RRAS2: variants seen among roughly 807,000 people sequenced by gnomAD.
RRAS2 encodes the protein ras-related protein R-Ras2.
In RRAS2, 7 loss-of-function variants were observed where a neutral mutation model predicts 27.6. That is an observed-to-expected ratio of 0.25 (90% CI 0.14 to 0.48). The LOEUF (loss-of-function observed/expected upper bound fraction) is 0.48, where lower values mean the gene tolerates loss of function less well. Among genes scored for constraint, RRAS2 ranks in the 20% least tolerant of loss-of-function variants. The pLI is 0.99. For missense variants in RRAS2, 178 were observed against 256.2 expected (o/e 0.69, Z 2.08); for synonymous variants, 86 against 90.9 (o/e 0.95, Z 0.31).
At chr11:14,349,014 G>A (rs1848895061) in intron 1 of RRAS2, among the ~76,000 whole-genome samples, 1 of 152,140 alleles carries the variant, frequency 6.6e-6, no homozygotes, top group Non-Finnish European at 1.5e-5. Flanking sequence ...TGCCCAGGCT[G>A]GAGTGCAGTG....
intron 1 of RRAS2, among the ~76,000 whole-genome samples, chr11:14,340,241 C>T (rs1848675801): frequency 6.6e-6 from 1 of 151,646 alleles, no homozygotes; most frequent in Non-Finnish European, 1.5e-5. Context: ...GGATTACAGG[C>T]GCACCCCACC....
At chr11:14,351,322 A>G (rs979121847) in intron 1 of RRAS2, among the ~76,000 whole-genome samples, 33 of 152,222 alleles carry the variant, frequency 2.2e-4, no homozygotes, top group Non-Finnish European at 8.8e-5. Context: ...TTTTGCTATA[A>G]AAGGCGTAAC....
At chr11:14,290,801 A>G in intron 4 of RRAS2, among the ~76,000 whole-genome samples, 1 of 152,212 alleles carries the variant, frequency 6.6e-6, no homozygotes, top group Non-Finnish European at 1.5e-5. Context: ...AAAGTAGAGA[A>G]AGTAAGTTTC....
At chr11:14,300,779 AAAG>A (rs1368636969) in intron 1 of RRAS2, among the ~76,000 whole-genome samples, 4 of 152,266 alleles carry the variant, frequency 2.6e-5, no homozygotes, top group East Asian at 1.9e-4. Flanking sequence ...TTAAGGAGGA[AAAG>A]AAGAAGGAAG....
At position 14,352,211 on chromosome 11, in the gene RRAS2, G is replaced by A. The variant is rs184760581; in HGVS notation, c.108+6552C>T. ...TATAAGGTGACAGTAAGTTAAAGAC[G>A]GCAATATTAAACTGTTAGTATATAC... On this transcript the variant is annotated intron_variant, in intron 1 of 5. Coordinates refer to ENST00000256196, the MANE Select transcript of RRAS2 (RefSeq NM_012250.6). Among the ~76,000 whole-genome samples, 309 of 152,238 alleles carry A rather than the reference G, an allele frequency of 2.0e-3. 2 individuals are homozygous for A. The highest frequency in any genetic ancestry group is 3.5e-3 in the Non-Finnish European group (239 of 68,034).
chr11:14,318,319 A>C (rs573006926), intron 1 of RRAS2, among the ~76,000 whole-genome samples: 1 of 152,016 alleles, frequency 6.6e-6, no homozygotes, highest in South Asian at 2.1e-4. Flanking sequence ...GCCAACATGG[A>C]AAAGCCCCAT....
chr11:14,357,977 C>A (rs1849117791), intron 1 of RRAS2, among the ~76,000 whole-genome samples: 2 of 152,140 alleles, frequency 1.3e-5, no homozygotes, highest in Admixed American at 1.3e-4. Context: ...TCTCTAGCAA[C>A]CAGAGAGGGC....
At position 14,357,308 on chromosome 11, in the gene RRAS2, C is replaced by T. The variant is rs192653075; in HGVS notation, c.108+1455G>A. On this transcript the variant is annotated intron_variant, in intron 1 of 5. Coordinates refer to ENST00000256196, the MANE Select transcript of RRAS2 (RefSeq NM_012250.6). Reference sequence around the variant, plus strand: ...CTCCACTTATCCCCTCACCCCCACCCTCCCTCAGCCATCAGACTAGTCCCC... The same window carrying T: ...CTCCACTTATCCCCTCACCCCCACCTTCCCTCAGCCATCAGACTAGTCCCC... Among the ~76,000 whole-genome samples the T allele has an allele frequency of 2.0e-3, 305 of 152,258 alleles. 1 individual carries two copies. The highest frequency in any genetic ancestry group is 7.0e-3 in the African/African-American group (289 of 41,546).
At chr11:14,282,214 TG>T (rs1554944430) in intron 4 of RRAS2, among the ~76,000 whole-genome samples, 2 of 152,110 alleles carry the variant, frequency 1.3e-5, no homozygotes, top group African/African-American at 4.8e-5. Flanking sequence ...GTCACATAGC[TG>T]GAATACATTA....
intron 1 of RRAS2, among the ~76,000 whole-genome samples, chr11:14,350,355 A>T (rs901456679): frequency 5.3e-5 from 8 of 151,980 alleles, no homozygotes; most frequent in Admixed American, 4.6e-4. Context: ...GTGAGCTCTT[A>T]CTTATTAGTT....
chr11:14,309,468 G>A (rs1289997817), intron 1 of RRAS2, among the ~76,000 whole-genome samples: 1 of 152,146 alleles, frequency 6.6e-6, no homozygotes, highest in African/African-American at 2.4e-5. Flanking sequence ...CAATAAATAA[G>A]CAAACATAAT....
intron 5 of RRAS2, 107 bp downstream of exon 5, chr11:14,281,495 C>A: frequency 1.3e-6 from 1 of 749,884 alleles, no homozygotes; most frequent in Non-Finnish European, 2.1e-6. Flanking sequence ...TGTAATGCAC[C>A]ATGTGCATTA....
At position 14,359,149 on chromosome 11, in the gene RRAS2, A is replaced by T. The variant is rs1849152762; in HGVS notation, c.-279T>A. The T allele has an allele frequency of 9.8e-7, 1 of 1,021,842 alleles. No individual in the cohort carries two copies. Among genetic ancestry groups the T allele is most frequent in the Non-Finnish European group, 1.2e-6 (1 of 854,756 alleles). The allele number at this position is 1,021,842 out of a possible 1,614,324, so 63.3% of individuals were successfully genotyped here. On this transcript the variant is annotated 5_prime_UTR_variant, in exon 1 of 6. Transcript: ENST00000256196. ...CTACGCGTCTCCGCAGCGCCTGCCGAACGCAGCCTCCAGCGCCGCCACAAA... is the reference window on the plus strand; with the variant it reads ...CTACGCGTCTCCGCAGCGCCTGCCGTACGCAGCCTCCAGCGCCGCCACAAA...
chr11:14,290,040 C>G (rs1336423001), intron 4 of RRAS2, among the ~76,000 whole-genome samples: 2 of 152,228 alleles, frequency 1.3e-5, no homozygotes, highest in Admixed American at 1.3e-4. Context: ...CATCTCTGAA[C>G]AGGCGGAAAG....
intron 1 of RRAS2, among the ~76,000 whole-genome samples, chr11:14,339,077 C>T (rs1435766568): frequency 6.6e-6 from 1 of 152,072 alleles, no homozygotes; most frequent in South Asian, 2.1e-4. Flanking sequence ...AATACCCAAA[C>T]AGGCCAATTT....
upstream of RRAS2, among the ~76,000 whole-genome samples, chr11:14,360,658 A>C (rs190229192): frequency 1.1e-3 from 163 of 152,218 alleles, 1 homozygote; most frequent in Non-Finnish European, 6.2e-4. Flanking sequence ...GCAATGGCTC[A>C]TGCCTGTAAT....
intron 4 of RRAS2, among the ~76,000 whole-genome samples, chr11:14,290,143 G>C (rs2133954683): frequency 6.6e-6 from 1 of 152,284 alleles, no homozygotes; most frequent in South Asian, 2.1e-4. Context: ...CTTTAATTGT[G>C]AAGAGATGTT....
chr11:14,351,742 A>G (rs1848957281), intron 1 of RRAS2, among the ~76,000 whole-genome samples: 1 of 151,634 alleles, frequency 6.6e-6, no homozygotes, highest in African/African-American at 2.4e-5. Flanking sequence ...AAAAAAAAAA[A>G]AAATTAGCCA....
chr11:14,331,649 C>A, intron 1 of RRAS2, among the ~76,000 whole-genome samples: 1 of 119,398 alleles, frequency 8.4e-6, no homozygotes, highest in Non-Finnish European at 1.6e-5. Flanking sequence ...CCAGCGTAGG[C>A]AACATAGGGA....
Sources: gnomAD v4.1 joint callset for allele counts (sites outside exome capture counted in the v4.1 genomes callset) on GRCh38, gnomAD v4.1.1 for gene constraint, MANE v1.5 for transcripts, NCBI Gene and HGNC (gene_info 2026-07-23, HGNC 2026-07-21) for gene names.